Variants in URB2 observed in about 807,000 individuals in gnomAD.
URB2 encodes the protein URB2 ribosome biogenesis homolog, also known as unhealthy ribosome biogenesis protein 2 homolog.
A neutral mutation model predicts 120.9 loss-of-function variants in URB2; 86 were observed. The ratio of observed to expected loss-of-function variants is 0.71; its 90% CI spans 0.60 to 0.85. URB2 has a LOEUF of 0.85. Ranked by LOEUF, URB2 falls within the 40% of genes least tolerant of loss-of-function variation. The probability of loss-of-function intolerance (pLI) is 0.00; values close to 1 mark genes in which losing one functional copy is unlikely to be tolerated. For missense variants in URB2, 1,765 were observed against 1,836.5 expected, an observed-to-expected ratio of 0.96 and a Z score of 0.71; for synonymous variants, 755 against 758.4, an observed-to-expected ratio of 1.00 and a Z score of 0.07.
At chr1:229,631,014 T>G (rs1420375452) in intron 2 of URB2, among the ~76,000 whole-genome samples, 1 of 148,058 alleles carries the variant, frequency 6.8e-6, no homozygotes, top group Non-Finnish European at 1.5e-5. Flanking sequence ...AAGAAAGTCC[T>G]GAATGGCATC....
At position 229,659,445 on chromosome 1, in the gene URB2, T is replaced by C; in HGVS notation, c.*148T>C. Reference sequence around the variant, plus strand: ...CCTTTGGGGTTTATGTAGTATATTTTGATGTATTTTACATCGTGTTTTTCT... The same window carrying C: ...CCTTTGGGGTTTATGTAGTATATTTCGATGTATTTTACATCGTGTTTTTCT... On this transcript the variant is annotated 3_prime_UTR_variant, in exon 10 of 10. Transcript: ENST00000258243. 1 of 783,572 alleles carries C rather than the reference T, an allele frequency of 1.3e-6. No individual in the cohort carries two copies. Among genetic ancestry groups the C allele is most frequent in the Non-Finnish European group, 1.9e-6 (1 of 514,652 alleles). The allele number at this position is 783,572 out of a possible 1,614,324, so 48.5% of individuals were successfully genotyped here.
chr1:229,628,132 T>C (rs1665563436), intron 2 of URB2, among the ~76,000 whole-genome samples: 3 of 137,358 alleles, frequency 2.2e-5, no homozygotes, highest in Non-Finnish European at 3.0e-5. Context: ...TATATACATA[T>C]ATAATATATA....
intron 9 of URB2, 26 bp downstream of exon 9, chr1:229,654,414 C>G (rs770869909): frequency 6.2e-7 from 1 of 1,614,018 alleles, no homozygotes; most frequent in East Asian, 2.2e-5. Flanking sequence ...ATGTCTTTCA[C>G]CAAGTACTGT....
intron 4 of URB2, among the ~76,000 whole-genome samples, chr1:229,639,087 G>T (rs909975207): frequency 1.3e-5 from 2 of 152,124 alleles, no homozygotes; most frequent in Admixed American, 1.3e-4. Flanking sequence ...GGCTGAGGGG[G>T]CAGATTGCTT....
intron 3 of URB2, 43 bp downstream of exon 3, chr1:229,632,488 T>A (rs749513987): frequency 6.1e-6 from 9 of 1,469,100 alleles, no homozygotes; most frequent in Non-Finnish European, 8.1e-6. Flanking sequence ...TGCATCTCCA[T>A]TGATTTCTTG....
chr1:229,638,142 G>A lies in URB2; in HGVS notation c.3529G>A (p.Ala1177Thr). The part of the protein sequence containing the change: ...ALAGHDQSFQ[A>T]ALQFLTLFFL... ...CGCGGGACATGATCAGTCTTTTCAG[G>A]CAGCCTTGCAGTTTTTGACTCTGTT... The change falls in exon 4 of 10, where the codon GCA becomes ACA. Residue 1177 changes from alanine (A) to threonine (T), a missense_variant. By Grantham distance (58) the Ala-to-Thr change is moderately conservative (BLOSUM62 0). Transcript: ENST00000258243. The A allele has an allele frequency of 6.2e-7, 1 of 1,614,214 alleles. No individual in the cohort carries two copies. Among genetic ancestry groups the A allele is most frequent in the South Asian group, 1.1e-5 (1 of 91,088 alleles).
At chr1:229,630,597 G>C (rs915586474) in intron 2 of URB2, among the ~76,000 whole-genome samples, 1 of 152,148 alleles carries the variant, frequency 6.6e-6, no homozygotes, top group South Asian at 2.1e-4. Flanking sequence ...GAGCACTGGC[G>C]TCAAAGTTAC....
chr1:229,639,102 C>A (rs1665936723), intron 4 of URB2, among the ~76,000 whole-genome samples: 1 of 152,054 alleles, frequency 6.6e-6, no homozygotes, highest in South Asian at 2.1e-4. Context: ...TTGCTTGAGT[C>A]CAGGCAACAT....
intron 2 of URB2, among the ~76,000 whole-genome samples, chr1:229,628,870 T>C (rs1176146172): frequency 6.6e-6 from 1 of 152,228 alleles, no homozygotes; most frequent in African/African-American, 2.4e-5. Flanking sequence ...GGATGACATA[T>C]GTAAAGCGAT....
rs61825539 is a variant in URB2, at chr1:229,655,980, C to T, written c.4377+1592C>T. Reference sequence around the variant, plus strand: ...TGGCCTTGCTCACCTCGGCAGGTGGCGATGCCTGTCCTGTGGGTGGGGACA... The same window carrying T: ...TGGCCTTGCTCACCTCGGCAGGTGGTGATGCCTGTCCTGTGGGTGGGGACA... On this transcript the variant is annotated intron_variant, in intron 9 of 9. Coordinates refer to ENST00000258243, the MANE Select transcript of URB2 (RefSeq NM_014777.4). Among the ~76,000 whole-genome samples the T allele has an allele frequency of 9.5e-3, 1,440 of 152,288 alleles. 14 individuals are homozygous for T. The highest frequency in any genetic ancestry group is 0.024 in the Middle Eastern group (7 of 294).
At chr1:229,648,656 G>A (rs994978941) in intron 7 of URB2, among the ~76,000 whole-genome samples, 1 of 152,148 alleles carries the variant, frequency 6.6e-6, no homozygotes, top group Non-Finnish European at 1.5e-5. Context: ...GCTCAGTGCC[G>A]CCAAATAATT....
intron 9 of URB2, among the ~76,000 whole-genome samples, chr1:229,654,700 C>T (rs1165583123): frequency 1.3e-5 from 2 of 152,190 alleles, no homozygotes; most frequent in Non-Finnish European, 2.9e-5. Context: ...CTATGTTGTG[C>T]AGGCTGGTCT....
chr1:229,637,204 T>C lies in URB2; in HGVS notation c.2591T>C (p.Ile864Thr). The part of the protein sequence containing the change: ...NRFAKAGPEG[I>T]EPRGEIAQNL... ...TTTGCAAAAGCTGGACCCGAAGGTA[T>C]AGAACCTAGAGGAGAAATTGCCCAG... The change falls in exon 4 of 10, where the codon ATA (isoleucine) becomes ACA (threonine). Residue 864 changes from isoleucine (I) to threonine (T), a missense_variant. By Grantham distance (89) the Ile-to-Thr change is moderately conservative. Transcript: ENST00000258243. The C allele has an allele frequency of 2.5e-6, 4 of 1,613,896 alleles. No individual in the cohort carries two copies. Among genetic ancestry groups the C allele is most frequent in the Non-Finnish European group, 3.4e-6 (4 of 1,179,844 alleles).
chr1:229,649,899 G>A (rs1173309212), intron 7 of URB2, among the ~76,000 whole-genome samples: 2 of 152,176 alleles, frequency 1.3e-5, no homozygotes, highest in Admixed American at 6.5e-5. Context: ...ATCATAAGGA[G>A]CCAGAGTGTG....
At chr1:229,642,063 G>A (rs1324195257) in intron 4 of URB2, among the ~76,000 whole-genome samples, 1 of 152,186 alleles carries the variant, frequency 6.6e-6, no homozygotes, top group Admixed American at 6.5e-5. Context: ...GCTGTATCCT[G>A]CTCTGGAGAT....
intron 7 of URB2, among the ~76,000 whole-genome samples, chr1:229,649,346 T>C (rs549115094): frequency 5.4e-4 from 82 of 152,212 alleles, no homozygotes; most frequent in Non-Finnish European, 9.8e-4. Context: ...AAAATCTCTC[T>C]GCTGATGTTA....
intron 3 of URB2, among the ~76,000 whole-genome samples, chr1:229,634,645 A>G (rs138875653): frequency 6.6e-6 from 1 of 152,186 alleles, no homozygotes; most frequent in Non-Finnish European, 1.5e-5. Flanking sequence ...CCCAGCTTTA[A>G]AAAAAGGGAC....
intron 5 of URB2, 36 bp downstream of exon 5, chr1:229,643,729 G>A: frequency 1.3e-6 from 2 of 1,597,890 alleles, no homozygotes; most frequent in Non-Finnish European, 1.7e-6. Flanking sequence ...GGCAGGCTCA[G>A]AAACCACGTC....
At position 229,637,088 on chromosome 1, in the gene URB2, T is replaced by C. The variant is rs766784358; in HGVS notation, c.2475T>C (p.Ser825=). ...CAAGTTGCTCCAGCATTCTGTGTTC[T>C]GGTGCCCAGCGTGACTCAGGTCTTG... is the stretch of plus-strand genomic sequence containing the variant. The part of the protein sequence containing the change: ...VTTSCSSILC[S]GAQRDSGLVS... Residue 825 remains serine, a synonymous_variant, in exon 4 of 10, where the codon TCT becomes TCC. Coordinates refer to ENST00000258243, the MANE Select transcript of URB2 (RefSeq NM_014777.4). 2 of 1,613,838 alleles carry C rather than the reference T, an allele frequency of 1.2e-6. No individual in the cohort carries two copies. Among genetic ancestry groups the C allele is most frequent in the East Asian group, 4.5e-5 (2 of 44,890 alleles).
Sources: gnomAD v4.1 joint callset for allele counts (sites outside exome capture counted in the v4.1 genomes callset) on GRCh38, gnomAD v4.1.1 for gene constraint, MANE v1.5 for transcripts, NCBI Gene and HGNC (gene_info 2026-07-23, HGNC 2026-07-21) for gene names.